Variants in ANO2 observed in about 807,000 individuals in gnomAD.
ANO2 encodes anoctamin 2, also known as anoctamin-2.
ANO2 carries 101 observed loss-of-function variants against 124.2 expected under a neutral mutation model. The ratio of observed to expected loss-of-function variants is 0.81; its 90% CI spans 0.69 to 0.96. The LOEUF (loss-of-function observed/expected upper bound fraction) is 0.96. Ranked by LOEUF, ANO2 falls within the 40% of genes least tolerant of loss-of-function variation. The pLI, the probability that ANO2 is intolerant of heterozygous loss-of-function variation, is 0.00. For missense variants in ANO2, 1,293 were observed against 1,274.5 expected (o/e 1.01, Z -0.22); for synonymous variants, 486 against 482.5 (o/e 1.01, Z -0.09).
chr12:5,945,272 G>A, upstream of ANO2: 2 of 1,261,610 alleles, frequency 1.6e-6, no homozygotes, highest in African/African-American at 1.6e-5. Context: ...GCAGGCTTAT[G>A]CCGCCGCGGG....
intron 3 of ANO2, among the ~76,000 whole-genome samples, chr12:5,867,778 G>GAAAAGAAAAAAAA (rs752416831): frequency 1.3e-5 from 1 of 78,544 alleles, no homozygotes. Context: ...GCACTATAAT[G>GAAAAGAAAAAAAA]AAAAAAAAAA....
At chr12:5,945,121 C>A (rs572008315) in intron 1 of ANO2, 75 bp downstream of exon 1, 1 of 1,246,842 alleles carries the variant, frequency 8.0e-7, no homozygotes. Flanking sequence ...GGTGGGAGTT[C>A]GGATGCCGCC....
intron 20 of ANO2, among the ~76,000 whole-genome samples, chr12:5,587,871 C>T (rs983820243): frequency 6.6e-6 from 1 of 152,162 alleles, no homozygotes. Context: ...GCAGCCCCTC[C>T]CCCAAGCCTG....
intron 7 of ANO2, 76 bp from the exon 8 acceptor site, chr12:5,807,444 T>C (rs1299236882): frequency 7.5e-7 from 1 of 1,332,996 alleles, no homozygotes; most frequent in South Asian, 1.3e-5. Context: ...TTTTGATAAA[T>C]AAGCTTTCAC....
Position 5,609,821 on chromosome 12 carries a change from T to C in ANO2, c.2087+2835A>G, listed in dbSNP as rs117382237. Reference sequence around the variant, plus strand: ...TCTACCTGTAGCACCAACTGGGTCATAGGTGTTTGTGATAAACCAGAATTA... The same window carrying C: ...TCTACCTGTAGCACCAACTGGGTCACAGGTGTTTGTGATAAACCAGAATTA... On this transcript the variant is annotated intron_variant, in intron 19 of 24. Coordinates refer to ENST00000682330, the MANE Select transcript of ANO2 (RefSeq NM_001364791.2). 6.7e-3 allele frequency among the ~76,000 whole-genome samples: 1,011 copies of C among 151,410 alleles called. 6 individuals are homozygous for C. Among genetic ancestry groups the C allele is most frequent in the African/African-American group, 0.014 (575 of 41,322 alleles).
At chr12:5,685,947 C>T (rs77943182) in intron 14 of ANO2, among the ~76,000 whole-genome samples, 17,739 of 152,214 alleles carry the variant, frequency 0.12, 1,132 homozygotes, top group African/African-American at 0.16. Context: ...CCAGTCCCAC[C>T]GCTGGAGCAG....
Position 5,900,689 on chromosome 12 carries a change from C to A in ANO2, c.534+20351G>T, listed in dbSNP as rs1565761624. ...CATCCTGGCACAGCCTGACCACAATCCCCTTCCCCATGGGTGGGGCCGGGA... is the reference window on the plus strand; with the variant it reads ...CATCCTGGCACAGCCTGACCACAATACCCTTCCCCATGGGTGGGGCCGGGA... On this transcript the variant is annotated intron_variant, in intron 3 of 24. Transcript: ENST00000682330. The surrounding 1 kb of genome is among the most constrained non-coding windows in gnomAD (Gnocchi z 4.2). Among the ~76,000 whole-genome samples the A allele has an allele frequency of 6.6e-6, 1 of 152,206 alleles. No homozygotes were observed. The highest frequency in any genetic ancestry group is 1.5e-5 in the Non-Finnish European group (1 of 68,032).
At chr12:5,706,336 C>G (rs1949608710) in intron 14 of ANO2, among the ~76,000 whole-genome samples, 1 of 152,064 alleles carries the variant, frequency 6.6e-6, no homozygotes, top group Admixed American at 6.6e-5. Flanking sequence ...CCTCTCAGAT[C>G]TCATCCCCTC....
chr12:5,856,190 A>C (rs1955091204), intron 3 of ANO2: 1 of 152,248 alleles, frequency 6.6e-6, no homozygotes, highest in South Asian at 2.1e-4. Context: ...TTTTGGTGAA[A>C]GATGGCAAAC....
chr12:5,806,894 AG>A, intron 8 of ANO2, among the ~76,000 whole-genome samples: 1 of 152,332 alleles, frequency 6.6e-6, no homozygotes, highest in East Asian at 1.9e-4. Context: ...TATCACTTTC[AG>A]GCAGCTAAGG....
chr12:5,920,074 T>TGGAA (rs1258251415), intron 3 of ANO2, among the ~76,000 whole-genome samples: 2 of 109,682 alleles, frequency 1.8e-5, no homozygotes, highest in Non-Finnish European at 4.5e-5. Context: ...GATGGATGGA[T>TGGAA]GGATGGATGC....
At chr12:5,781,444 G>A in intron 10 of ANO2, among the ~76,000 whole-genome samples, 1 of 152,166 alleles carries the variant, frequency 6.6e-6, no homozygotes, top group East Asian at 1.9e-4. Flanking sequence ...TCTGATGTTG[G>A]TTACAAGATT....
At chr12:5,775,441 C>T (rs1952204953) in intron 10 of ANO2, among the ~76,000 whole-genome samples, 1 of 151,666 alleles carries the variant, frequency 6.6e-6, no homozygotes, top group Non-Finnish European at 1.5e-5. Context: ...CAAGATGCAT[C>T]CTCCTGAGCA....
chr12:5,827,622 G>T, intron 7 of ANO2, 147 bp downstream of exon 7: 1 of 957,022 alleles, frequency 1.0e-6, no homozygotes, highest in Non-Finnish European at 1.6e-6. Context: ...GGCCAAGGCA[G>T]GCTTCTCAGC....
chr12:5,693,863 C>T (rs1334003213), intron 14 of ANO2, among the ~76,000 whole-genome samples: 1 of 152,168 alleles, frequency 6.6e-6, no homozygotes, highest in Non-Finnish European at 1.5e-5. Context: ...TGCTCAGCTG[C>T]CATGTGCCAG....
chr12:5,909,081 G>C (rs1257920620), intron 3 of ANO2, among the ~76,000 whole-genome samples: 1 of 152,144 alleles, frequency 6.6e-6, no homozygotes, highest in Non-Finnish European at 1.5e-5. Flanking sequence ...GATGCTGTTT[G>C]CAAGATCCTT....
At chr12:5,776,029 G>A (rs1259892747) in intron 10 of ANO2, among the ~76,000 whole-genome samples, 1 of 152,134 alleles carries the variant, frequency 6.6e-6, no homozygotes, top group African/African-American at 2.4e-5. Flanking sequence ...CTATTTACAC[G>A]AGAGTTAATG....
intron 10 of ANO2, among the ~76,000 whole-genome samples, chr12:5,780,548 A>C (rs988608188): frequency 6.6e-6 from 1 of 152,232 alleles, no homozygotes; most frequent in African/African-American, 2.4e-5. Context: ...CCTAGCTCTT[A>C]ACACATTCAG....
chr12:5,898,807 A>AT (rs1356524532), intron 3 of ANO2, among the ~76,000 whole-genome samples: 2 of 152,190 alleles, frequency 1.3e-5, no homozygotes, highest in African/African-American at 4.8e-5. Context: ...CTTCATCTGG[A>AT]TGGCAGTTCC....
Sources: gnomAD v4.1 joint callset for allele counts (sites outside exome capture counted in the v4.1 genomes callset) on GRCh38, gnomAD v4.1.1 for gene constraint, Gnocchi (gnomAD v3.1) non-coding constraint, MANE v1.5 for transcripts, NCBI Gene and HGNC (gene_info 2026-07-23, HGNC 2026-07-21) for gene names.